NSD1: variants seen among roughly 807,000 people sequenced by gnomAD.
The protein encoded by NSD1 is histone-lysine N-methyltransferase, H3 lysine-36 specific.
A neutral mutation model predicts 242.7 loss-of-function variants in NSD1; 26 were observed. The observed-to-expected ratio is 0.11, with a 90% CI of 0.08 to 0.15. The LOEUF (loss-of-function observed/expected upper bound fraction) is 0.15, where lower values mean the gene tolerates loss of function less well. NSD1 is among the 10% of genes least tolerant of loss of function. The pLI is 1.00. For missense variants in NSD1, 2,495 were observed against 3,272.8 expected, an observed-to-expected ratio of 0.76 and a Z score of 5.80; for synonymous variants, 1,106 against 1,178.1, an observed-to-expected ratio of 0.94 and a Z score of 1.25.
In NSD1 at chr5:177,204,782, T is replaced by TTTTG. The variant is rs1302093398; in HGVS notation, c.1236+510_1236+513dup. Among the ~76,000 whole-genome samples the TTTTG allele has an allele frequency of 3.3e-5, 5 of 151,968 alleles. 1 individual carries two copies. The highest frequency in any genetic ancestry group is 1.9e-4 in the East Asian group (1 of 5,174). On this transcript the variant is annotated intron_variant, in intron 4 of 22. Transcript: ENST00000439151. Reference sequence around the variant, plus strand: ...TAGGGAGCAGATGCAGGTGGGTTTTTTTTGTTTGTTTGTTTGTTTGTTTTT... The same window carrying TTTTG: ...TAGGGAGCAGATGCAGGTGGGTTTTTTTTGTTTGTTTGTTTGTTTGTTTGTTTTT...
intron 5 of NSD1, among the ~76,000 whole-genome samples, chr5:177,213,625 A>G (rs1463382076): frequency 6.6e-6 from 1 of 151,728 alleles, no homozygotes; most frequent in Non-Finnish European, 1.5e-5. Context: ...CCGCCACCAC[A>G]CCCAGCTAAT....
intron 3 of NSD1, among the ~76,000 whole-genome samples, chr5:177,200,297 C>T (rs1337263231): frequency 6.6e-6 from 1 of 151,854 alleles, no homozygotes; most frequent in East Asian, 1.9e-4. Flanking sequence ...TTAGTAGAGA[C>T]AGGATTTCAC....
intron 4 of NSD1, among the ~76,000 whole-genome samples, chr5:177,205,403 C>G (rs1246003374): frequency 3.3e-5 from 5 of 151,760 alleles, no homozygotes; most frequent in Non-Finnish European, 7.4e-5. Flanking sequence ...AGTTTCTACT[C>G]TAGTTATATT....
At chr5:177,139,860 C>T (rs1756663283) in intron 2 of NSD1, among the ~76,000 whole-genome samples, 2 of 151,196 alleles carry the variant, frequency 1.3e-5, no homozygotes, top group African/African-American at 4.9e-5. Flanking sequence ...AGTAGGATCA[C>T]TTGAGGCCAG....
In NSD1 at chr5:177,250,320, A is replaced by G. The variant is rs1370916564; in HGVS notation, c.4642-1410A>G. On this transcript the variant is annotated intron_variant, in intron 11 of 22. Transcript: ENST00000439151. Reference sequence around the variant, plus strand: ...TACATTTTACAAAGATCATTTAATGAAAAGGTTAAAGGTAAGGTGACCCTG... The same window carrying G: ...TACATTTTACAAAGATCATTTAATGGAAAGGTTAAAGGTAAGGTGACCCTG... 2.6e-5 allele frequency among the ~76,000 whole-genome samples: 4 copies of G among 152,230 alleles called. No individual in the cohort carries two copies. The South Asian group carries it at 8.3e-4, about 31-fold the overall frequency.
At chr5:177,279,610 A>AATTT (rs1267953141) in intron 17 of NSD1, among the ~76,000 whole-genome samples, 2 of 95,432 alleles carry the variant, frequency 2.1e-5, no homozygotes, top group African/African-American at 3.8e-5. Flanking sequence ...AGCTTTGAAA[A>AATTT]TTTTTTTTTT....
At chr5:177,256,627 T>C (rs1393648815) in intron 12 of NSD1, among the ~76,000 whole-genome samples, 1 of 152,230 alleles carries the variant, frequency 6.6e-6, no homozygotes, top group Non-Finnish European at 1.5e-5. Context: ...TCCCCTTAAC[T>C]TGTTCCTCTG....
At chr5:177,230,896 A>C (rs532974397) in intron 5 of NSD1, among the ~76,000 whole-genome samples, 1 of 151,574 alleles carries the variant, frequency 6.6e-6, no homozygotes, top group Admixed American at 6.6e-5. Flanking sequence ...CAAAGGAAGG[A>C]GACTGTCTAG....
rs114979622 is a variant in NSD1 at position 177,293,121 on chromosome 5, G to A, written c.6464-711G>A. Among the ~76,000 whole-genome samples, 297 of 152,292 alleles carry A rather than the reference G, an allele frequency of 2.0e-3. 1 individual carries two copies. The highest frequency in any genetic ancestry group is 6.8e-3 in the African/African-American group (284 of 41,544). ...TCAACTGCTCAGGGTCGTCACTGGC[G>A]CAGGCTATGATAGAACCAATCTTGC... On this transcript the variant is annotated intron_variant, in intron 22 of 22. Transcript: ENST00000439151.
At chr5:177,152,471 C>T (rs1290284226) in intron 2 of NSD1, among the ~76,000 whole-genome samples, 2 of 146,202 alleles carry the variant, frequency 1.4e-5, no homozygotes, top group East Asian at 2.0e-4. Context: ...TGGGTTCAAG[C>T]GATTCTTTTT....
In NSD1 at chr5:177,273,127, C is replaced by A. The variant is rs557206504; in HGVS notation, c.5510-545C>A. ...GAAAGGCTTAAAGGCAGTGACTTTGCTAAGCAGATGAAGCGTAGTTGTTAG... is the reference window on the plus strand; with the variant it reads ...GAAAGGCTTAAAGGCAGTGACTTTGATAAGCAGATGAAGCGTAGTTGTTAG... On this transcript the variant is annotated intron_variant, in intron 16 of 22. Coordinates refer to ENST00000439151, the MANE Select transcript of NSD1 (RefSeq NM_022455.5). Among the ~76,000 whole-genome samples, 6 of 152,210 alleles carry A rather than the reference C, an allele frequency of 3.9e-5. No individual in the cohort carries two copies. The South Asian group carries it at 1.0e-3, about 26-fold the overall frequency.
Position 177,167,591 on chromosome 5 carries a change from A to G in NSD1, c.928-24293A>G, listed in dbSNP as rs1759318101. ...ATTTCTGAAGTTTTAATTTTATTCC[A>G]TTGGTCTATATTTCTACTCGTAGGC... On this transcript the variant is annotated intron_variant, in intron 2 of 22. Transcript: ENST00000439151. 3.3e-5 allele frequency among the ~76,000 whole-genome samples: 5 copies of G among 151,864 alleles called. No individual in the cohort carries two copies. The South Asian group carries it at 1.0e-3, about 32-fold the overall frequency.
At chr5:177,247,254 A>C (rs1369998817) in intron 10 of NSD1, among the ~76,000 whole-genome samples, 2 of 152,098 alleles carry the variant, frequency 1.3e-5, no homozygotes, top group South Asian at 2.1e-4. Flanking sequence ...ACATGGTGAA[A>C]CCTCATCTCT....
chr5:177,267,753 A>T, intron 15 of NSD1, 35 bp downstream of exon 15: 2 of 1,606,540 alleles, frequency 1.2e-6, no homozygotes, highest in Non-Finnish European at 1.7e-6. Flanking sequence ...CTCTTTTACC[A>T]TCCTCTGTTT....
chr5:177,203,736 T>A (rs1033063074), intron 3 of NSD1, among the ~76,000 whole-genome samples: 5 of 152,144 alleles, frequency 3.3e-5, no homozygotes, highest in Non-Finnish European at 1.5e-5. Context: ...TTTTTGTATA[T>A]ATATTTTTGT....
chr5:177,249,127 T>C (rs1755696261), intron 11 of NSD1, among the ~76,000 whole-genome samples: 2 of 152,314 alleles, frequency 1.3e-5, no homozygotes, highest in East Asian at 3.9e-4. Context: ...TGAATATATA[T>C]ATTTTTAATG....
chr5:177,251,617 T>C lies in NSD1; in HGVS notation c.4642-113T>C, dbSNP rs191491900. On this transcript the variant is annotated intron_variant, in intron 11 of 22. Coordinates refer to ENST00000439151, the MANE Select transcript of NSD1 (RefSeq NM_022455.5). ...ACAACTACGGGCCCTTGCCTCTTTC[T>C]CACCTCCTTTTCTGCCACTTTTAAC... 4.6e-6 allele frequency: 5 copies of C among 1,085,568 alleles called. No homozygotes were observed. The East Asian group carries it at 1.0e-4, about 22-fold the overall frequency. The allele number at this position is 1,085,568 out of a possible 1,614,324, so 67.2% of individuals were successfully genotyped here.
At chr5:177,194,037 A>G (rs1035174776) in intron 3 of NSD1, among the ~76,000 whole-genome samples, 1 of 152,126 alleles carries the variant, frequency 6.6e-6, no homozygotes, top group African/African-American at 2.4e-5. Flanking sequence ...TTGGCCTCCC[A>G]AAGTGTTTGG....
At chr5:177,206,496 G>A (rs1159902833) in intron 4 of NSD1, among the ~76,000 whole-genome samples, 2 of 151,966 alleles carry the variant, frequency 1.3e-5, no homozygotes, top group African/African-American at 4.8e-5. Flanking sequence ...TCATATGCAG[G>A]GTCTGCCACT....
Sources: allele counts gnomAD v4.1 joint callset (sites outside exome capture counted in the v4.1 genomes callset), GRCh38; gene constraint gnomAD v4.1.1; transcripts MANE v1.5; gene names NCBI Gene and HGNC (gene_info 2026-07-23, HGNC 2026-07-21).